The following APBB2 variants were observed in gnomAD, a reference collection of about 807,000 sequenced individuals.
APBB2 encodes the protein Fe65-like 1.
Under a neutral mutation model 82.5 loss-of-function variants are expected in APBB2, and 38 were observed. The observed-to-expected ratio is 0.46, with a 90% CI of 0.36 to 0.60. APBB2 has a LOEUF of 0.60. Ranked by LOEUF, APBB2 falls within the 20% of genes least tolerant of loss-of-function variation. APBB2 has a pLI of 0.00. For missense variants in APBB2, 772 were observed against 972.3 expected, an observed-to-expected ratio of 0.79 and a Z score of 2.74; for synonymous variants, 341 against 368.2, an observed-to-expected ratio of 0.93 and a Z score of 0.85.
At chr4:40,940,926 C>T (rs1331695560) in intron 7 of APBB2, among the ~76,000 whole-genome samples, 1 of 152,208 alleles carries the variant, frequency 6.6e-6, no homozygotes, top group Admixed American at 6.5e-5. Flanking sequence ...GGAGGAGCAC[C>T]ACGTGCTAAA....
intron 12 of APBB2, among the ~76,000 whole-genome samples, chr4:40,833,547 AGAG>A (rs1336663867): frequency 7.6e-6 from 1 of 131,988 alleles, no homozygotes; most frequent in African/African-American, 3.0e-5. Context: ...GCTACAAAGA[AGAG>A]GTCGTTATAT....
chr4:41,164,339 C>A (rs901639305), intron 1 of APBB2, among the ~76,000 whole-genome samples: 1 of 152,160 alleles, frequency 6.6e-6, no homozygotes, highest in Non-Finnish European at 1.5e-5. Context: ...ACCTTGTACA[C>A]TGAGATAAAA....
chr4:41,062,574 G>A (rs539555798), intron 4 of APBB2, among the ~76,000 whole-genome samples: 3 of 152,100 alleles, frequency 2.0e-5, no homozygotes, highest in Non-Finnish European at 4.4e-5. Flanking sequence ...CTTGGACTGA[G>A]GGATCAACAC....
chr4:41,031,308 G>C (rs1477389093), intron 5 of APBB2, among the ~76,000 whole-genome samples: 1 of 152,104 alleles, frequency 6.6e-6, no homozygotes, highest in Non-Finnish European at 1.5e-5. Flanking sequence ...CAGCTCCCTA[G>C]AGTTAGAAAA....
intron 12 of APBB2, chr4:40,881,133 A>T: frequency 2.0e-6 from 2 of 985,392 alleles, no homozygotes; most frequent in Non-Finnish European, 2.4e-6. Context: ...GTAAGTCAGC[A>T]AAACGGTCAA....
At chr4:40,906,751 A>C (rs928473050) in intron 10 of APBB2, among the ~76,000 whole-genome samples, 1 of 152,120 alleles carries the variant, frequency 6.6e-6, no homozygotes, top group African/African-American at 2.4e-5. Context: ...TTGAACCCTC[A>C]ATCTTCTGAC....
chr4:41,046,887 G>A (rs1350965158), intron 4 of APBB2, among the ~76,000 whole-genome samples: 2 of 152,266 alleles, frequency 1.3e-5, no homozygotes, highest in Admixed American at 1.3e-4. Context: ...GGAGTGGGGA[G>A]TCAGGACACA....
chr4:41,068,040 G>T (rs531453048), intron 3 of APBB2, among the ~76,000 whole-genome samples: 1 of 152,304 alleles, frequency 6.6e-6, no homozygotes, highest in South Asian at 2.1e-4. Context: ...CCTCGAAGAA[G>T]AGGGGAGTCC....
At chr4:40,828,898 A>C (rs1348071538) in intron 13 of APBB2, among the ~76,000 whole-genome samples, 2 of 152,112 alleles carry the variant, frequency 1.3e-5, no homozygotes, top group Non-Finnish European at 2.9e-5. Flanking sequence ...TCCCTCAGGC[A>C]CCATGGCTTG....
At chr4:40,944,040 G>A (rs1310470300) in intron 7 of APBB2, among the ~76,000 whole-genome samples, 1 of 152,266 alleles carries the variant, frequency 6.6e-6, no homozygotes, top group Non-Finnish European at 1.5e-5. Context: ...AGCTTCCACA[G>A]TAGTTCTAAT....
chr4:40,893,210 T>TG lies in APBB2; in HGVS notation c.1401+54dup, dbSNP rs1312203829. Reference sequence around the variant, plus strand: ...TGTGTCACTGAGCTGTGGGGCTTCCTGAAATGCAGGAGAACGTAAACAGCC... The same window carrying TG: ...TGTGTCACTGAGCTGTGGGGCTTCCTGGAAATGCAGGAGAACGTAAACAGCC... On this transcript the variant is annotated intron_variant, in intron 11 of 17. Coordinates refer to ENST00000508593, the MANE Select transcript of APBB2 (RefSeq NM_004307.2). The TG allele has an allele frequency of 1.1e-5, 17 of 1,589,378 alleles. No individual in the cohort carries two copies. The African/African-American group carries it at 1.7e-4, about 16-fold the overall frequency.
In APBB2 at chr4:41,014,069, C is replaced by T; in HGVS notation, c.349G>A (p.Asp117Asn). Residue 117 changes from aspartate to asparagine, a missense_variant, in exon 6 of 18, where the codon GAC (aspartate) becomes AAC (asparagine). By Grantham distance (23) the Asp-to-Asn change is conservative (BLOSUM62 1). Transcript: ENST00000508593. Reference protein sequence around the residue: ...LRKAAEQGQQDPNKNLSPTAV... With the variant: ...LRKAAEQGQQNPNKNLSPTAV... ...GTGGGGCTCAGGTTTTTGTTGGGGT[C>T]CTGCTGCCCTTGCTCTGCAGCCTTA... is the stretch of plus-strand genomic sequence containing the variant. The T allele has an allele frequency of 1.2e-6, 2 of 1,614,160 alleles. No homozygotes were observed. Among genetic ancestry groups the T allele is most frequent in the Non-Finnish European group, 1.7e-6 (2 of 1,180,038 alleles).
At chr4:41,156,981 G>A (rs890095266) in intron 1 of APBB2, among the ~76,000 whole-genome samples, 3 of 150,478 alleles carry the variant, frequency 2.0e-5, no homozygotes, top group South Asian at 2.1e-4. Flanking sequence ...CAGGAGAATC[G>A]CTTGAACCCA....
chr4:41,052,172 A>G (rs1726198594), intron 4 of APBB2, among the ~76,000 whole-genome samples: 1 of 151,832 alleles, frequency 6.6e-6, no homozygotes, highest in Admixed American at 6.6e-5. Flanking sequence ...GTTGGAGATC[A>G]GCCTGGGCAA....
At chr4:41,176,989 CA>C (rs3058043) in intron 1 of APBB2, among the ~76,000 whole-genome samples, 9,928 of 140,108 alleles carry the variant, frequency 0.071, 436 homozygotes, top group African/African-American at 0.14. Context: ...AATAGTGTAC[CA>C]AAAAAAAAAA....
intron 5 of APBB2, among the ~76,000 whole-genome samples, chr4:41,028,906 C>T (rs901873825): frequency 9.2e-5 from 14 of 152,172 alleles, no homozygotes; most frequent in Non-Finnish European, 2.1e-4. Flanking sequence ...ACCTGGCTTT[C>T]CCCCTCCTCC....
intron 3 of APBB2, among the ~76,000 whole-genome samples, chr4:41,077,619 C>T (rs1455182723): frequency 6.6e-6 from 1 of 152,156 alleles, no homozygotes; most frequent in African/African-American, 2.4e-5. Context: ...TAATCTCCAA[C>T]TTTAAATTAG....
intron 6 of APBB2, among the ~76,000 whole-genome samples, chr4:40,963,485 C>T (rs959256986): frequency 2.0e-5 from 3 of 152,202 alleles, no homozygotes; most frequent in Admixed American, 6.5e-5. Flanking sequence ...TGGGCTCAAG[C>T]GATCCTCCTG....
chr4:40,816,365 G>C, intron 17 of APBB2, 106 bp from the exon 18 acceptor site: 1 of 1,150,566 alleles, frequency 8.7e-7, no homozygotes, highest in Non-Finnish European at 1.2e-6. Context: ...AAAGGTTAAC[G>C]ACCTAGTTCC....
Sources: gnomAD v4.1 joint callset for allele counts (sites outside exome capture counted in the v4.1 genomes callset) on GRCh38, gnomAD v4.1.1 for gene constraint, MANE v1.5 for transcripts, NCBI Gene and HGNC (gene_info 2026-07-23, HGNC 2026-07-21) for gene names.